The following DGKZ variants were observed in gnomAD, a reference collection of about 807,000 sequenced individuals.
DGKZ encodes the protein diacylglycerol kinase zeta.
In DGKZ, 45 loss-of-function variants were observed where a neutral mutation model predicts 142.5. The observed-to-expected ratio is 0.32, with a 90% CI of 0.25 to 0.40. The LOEUF (loss-of-function observed/expected upper bound fraction) is 0.40. Ranked by LOEUF, DGKZ falls within the 10% of genes least tolerant of loss-of-function variation. The probability of loss-of-function intolerance (pLI) is 1.00; values close to 1 mark genes in which losing one functional copy is unlikely to be tolerated. For missense variants in DGKZ, 755 were observed against 1,306.5 expected (o/e 0.58, Z 6.51); for synonymous variants, 442 against 527.0 (o/e 0.84, Z 2.21).
At chr11:46,377,589 G>A (rs537166664) in intron 25 of DGKZ, 31 of 275,232 alleles carry the variant, frequency 1.1e-4, no homozygotes, top group Middle Eastern at 1.1e-3. Context: ...TCCATACCAC[G>A]GTCAACTAAA....
chr11:46,347,618 G>A lies in DGKZ; in HGVS notation c.-42G>A. ...GAGCCCCGGCCGCCGGCCCGGCATG[G>A]GCGTCTCCCGCGGGCCCTCCGCCGG... is the stretch of plus-strand genomic sequence containing the variant. On this transcript the variant is annotated 5_prime_UTR_variant, in exon 1 of 31. Coordinates refer to ENST00000527911, the Ensembl canonical transcript of DGKZ. This position sits in a 1 kb window ranked among gnomAD's most constrained non-coding sequence, Gnocchi z 6.4. 8.2e-7 allele frequency: 1 copy of A among 1,223,914 alleles called. No individual in the cohort carries two copies. The highest frequency in any genetic ancestry group is 3.5e-5 in the East Asian group (1 of 28,678). The allele number at this position is 1,223,914 out of a possible 1,614,324, so 75.8% of individuals were successfully genotyped here.
At chr11:46,355,583 CT>C (rs1389158945) in intron 1 of DGKZ, among the ~76,000 whole-genome samples, 1 of 152,138 alleles carries the variant, frequency 6.6e-6, no homozygotes, top group Admixed American at 6.5e-5. Context: ...GGTCATGTAG[CT>C]GGTCAGAGGC....
chr11:46,378,508 C>G lies in DGKZ; in HGVS notation c.2418+8C>G. On this transcript the variant is annotated splice_region_variant and intron_variant, in intron 27 of 30. Coordinates refer to ENST00000527911, the Ensembl canonical transcript of DGKZ. ...AGGAACGACTTCTGTAAGGTACTAG[C>G]TCCAGGCTCCAGTTCCTTCCCCCAG... is the stretch of plus-strand genomic sequence containing the variant. 2 of 1,613,018 alleles carry G rather than the reference C, an allele frequency of 1.2e-6. No homozygotes were observed. The highest frequency in any genetic ancestry group is 1.7e-6 in the Non-Finnish European group (2 of 1,179,854).
intron 1 of DGKZ, chr11:46,364,654 C>T (rs1205156682): frequency 3.0e-6 from 3 of 985,348 alleles, no homozygotes; most frequent in Admixed American, 1.2e-4. Context: ...CCTGAAGCTG[C>T]TCAAGACCTG....
chr11:46,361,674 C>G (rs1942667634), intron 1 of DGKZ: 1 of 985,442 alleles, frequency 1.0e-6, no homozygotes, highest in Non-Finnish European at 1.2e-6. Flanking sequence ...TTGGGGACCC[C>G]AGCTCCCACC....
chr11:46,348,857 G>C (rs757236923), intron 1 of DGKZ, among the ~76,000 whole-genome samples: 1 of 152,176 alleles, frequency 6.6e-6, no homozygotes, highest in Non-Finnish European at 1.5e-5. Flanking sequence ...TAGCCAATCA[G>C]CCAAGGACCC....
At chr11:46,371,945 G>A (rs1565063899) in intron 9 of DGKZ, 130 bp from the exon 10 acceptor site, 2 of 1,233,274 alleles carry the variant, frequency 1.6e-6, no homozygotes, top group African/African-American at 1.5e-5. Flanking sequence ...CTGTGGCCTG[G>A]TAAGATCTGG....
intron 1 of DGKZ, among the ~76,000 whole-genome samples, chr11:46,360,078 A>G (rs915241184): frequency 3.3e-5 from 5 of 152,190 alleles, no homozygotes; most frequent in African/African-American, 1.2e-4. Flanking sequence ...AATTTTCTTC[A>G]TATACTTCAA....
intron 1 of DGKZ, among the ~76,000 whole-genome samples, chr11:46,335,039 C>T (rs191372942): frequency 3.3e-4 from 50 of 152,194 alleles, no homozygotes; most frequent in Non-Finnish European, 1.5e-5. Context: ...GGAGGCTGGG[C>T]GCGGTGACTC....
In DGKZ at chr11:46,377,543, T is replaced by C. The variant is rs1396416068; in HGVS notation, c.2342+331T>C. On this transcript the variant is annotated intron_variant, in intron 25 of 30. Transcript: ENST00000527911. ...GCCACGCCCTGGCCCCCAGCTCTTA[T>C]ATCCCTGTGGCCATTCGTGCCCTCG... The C allele has an allele frequency of 3.3e-5, 13 of 391,684 alleles. No individual in the cohort carries two copies. The East Asian group carries it at 3.7e-4, about 11-fold the overall frequency. The allele number at this position is 391,684 out of a possible 1,614,324, so 24.3% of individuals were successfully genotyped here.
chr11:46,341,142 T>C (rs1026634136), intron 1 of DGKZ, among the ~76,000 whole-genome samples: 3 of 152,198 alleles, frequency 2.0e-5, no homozygotes, highest in Non-Finnish European at 4.4e-5. Flanking sequence ...AGCAAGGCTC[T>C]GTCTCCAAAC....
intron 1 of DGKZ, among the ~76,000 whole-genome samples, chr11:46,352,991 C>T (rs1008748096): frequency 1.3e-5 from 2 of 152,358 alleles, no homozygotes; most frequent in East Asian, 3.9e-4. Flanking sequence ...ACACCAGAGA[C>T]GTGGTTAGGT....
chr11:46,350,317 G>A (rs2136402364), intron 1 of DGKZ, among the ~76,000 whole-genome samples: 1 of 152,300 alleles, frequency 6.6e-6, no homozygotes, highest in Admixed American at 6.5e-5. Flanking sequence ...CCTGCTCTGG[G>A]TTCTGCCCCC....
At chr11:46,370,444 C>T (rs950654337) in intron 6 of DGKZ, among the ~76,000 whole-genome samples, 1 of 152,212 alleles carries the variant, frequency 6.6e-6, no homozygotes, top group Admixed American at 6.5e-5. Context: ...TGCTTCTTGC[C>T]CGCCTCCCTC....
At chr11:46,364,290 ACCT>A in intron 1 of DGKZ, 1 of 1,083,930 alleles carries the variant, frequency 9.2e-7, no homozygotes, top group Middle Eastern at 2.3e-4. Flanking sequence ...GTGATGCAGT[ACCT>A]ATTCCTTGGG....
chr11:46,337,614 C>G (rs1940078413), intron 1 of DGKZ, among the ~76,000 whole-genome samples: 1 of 152,050 alleles, frequency 6.6e-6, no homozygotes, highest in South Asian at 2.1e-4. Flanking sequence ...GATTCTAAAG[C>G]CCTCTCCCTA....
Position 46,347,529 on chromosome 11 carries a change from G to T in DGKZ, c.-131G>T. ...CTGGGCGTGGGGAGCGGGGGCGCGCGGCGCGGGGCGGGCGGAGCGAGCGCG... is the reference window on the plus strand; with the variant it reads ...CTGGGCGTGGGGAGCGGGGGCGCGCTGCGCGGGGCGGGCGGAGCGAGCGCG... On this transcript the variant is annotated 5_prime_UTR_variant, in exon 1 of 31. Coordinates refer to ENST00000527911, the Ensembl canonical transcript of DGKZ. The surrounding 1 kb of genome is among the most constrained non-coding windows in gnomAD (Gnocchi z 6.4). 1 of 982,822 alleles carries T rather than the reference G, an allele frequency of 1.0e-6. No homozygotes were observed. The highest frequency in any genetic ancestry group is 4.5e-5 in the South Asian group (1 of 22,066). The allele number at this position is 982,822 out of a possible 1,614,324, so 60.9% of individuals were successfully genotyped here.
chr11:46,377,891 A>C, intron 25 of DGKZ: 2 of 453,356 alleles, frequency 4.4e-6, no homozygotes, highest in Non-Finnish European at 7.9e-6. Context: ...TGGAGAGATC[A>C]CTCCCAGGAC....
intron 25 of DGKZ, chr11:46,377,456 G>T: frequency 1.5e-6 from 1 of 659,590 alleles, no homozygotes; most frequent in Non-Finnish European, 2.3e-6. Flanking sequence ...AGTCCTGGCA[G>T]CCCCCGGACC....
Sources: gnomAD v4.1 joint callset for allele counts (sites outside exome capture counted in the v4.1 genomes callset) on GRCh38, gnomAD v4.1.1 for gene constraint, Gnocchi (gnomAD v3.1) non-coding constraint, MANE v1.5 for transcripts, NCBI Gene and HGNC (gene_info 2026-07-23, HGNC 2026-07-21) for gene names.